GJA10: variants seen among roughly 807,000 people sequenced by gnomAD.
GJA10 encodes the protein gap junction protein alpha 10.
For synonymous variants in GJA10, 239 were observed against 233.0 expected, an observed-to-expected ratio of 1.03 and a Z score of -0.23; for missense variants, 685 against 651.9, an observed-to-expected ratio of 1.05 and a Z score of -0.55.
rs1286573597 is a variant in GJA10, at chr6:89,894,920, G to T, written c.452G>T (p.Gly151Val). 1 of 1,614,168 alleles carries T rather than the reference G, an allele frequency of 6.2e-7. No individual in the cohort carries two copies. Among genetic ancestry groups the T allele is most frequent in the East Asian group, 2.2e-5 (1 of 44,882 alleles). Residue 151 changes from glycine to valine, a missense_variant, in exon 1 of 1, where the codon GGA (glycine) becomes GTA (valine). Transcript: ENST00000369352. ...QKRIHKVPLK[G>V]CLLRTYVLHI... ...AGGATCCATAAAGTCCCTCTGAAAG[G>T]ATGTCTGCTGCGTACTTATGTCTTA... is the stretch of plus-strand genomic sequence containing the variant.
Position 89,895,695 on chromosome 6 carries a change from T to A in GJA10, c.1227T>A (p.Ser409Arg). ...ATCTTCATAGTCACTGCAGAGACAG[T>A]GAAGGCAGCATGAGAGAGAGTGGGG... ...LTDLHSHCRD[S>R]EGSMRESGVW... is the part of the protein sequence containing the mutation. The change falls in exon 1 of 1, where the codon AGT (serine) becomes AGA (arginine). Residue 409 changes from serine to arginine, a missense_variant. Physicochemically the swap from Ser to Arg is moderately radical, Grantham distance 110. Transcript: ENST00000369352. 1 of 1,614,212 alleles carries A rather than the reference T, an allele frequency of 6.2e-7. No homozygotes were observed. The highest frequency in any genetic ancestry group is 8.5e-7 in the Non-Finnish European group (1 of 1,180,026).
At position 89,895,649 on chromosome 6, in the gene GJA10, C is replaced by T. The variant is rs1203022991; in HGVS notation, c.1181C>T (p.Pro394Leu). Reference sequence around the variant, plus strand: ...TGGGAGCAGTCCCAGGACCCAGAACCCTCAGGTGAGCCTCTCACAGATCTT... The same window carrying T: ...TGGGAGCAGTCCCAGGACCCAGAACTCTCAGGTGAGCCTCTCACAGATCTT... The part of the protein sequence containing the change: ...GTWEQSQDPE[P>L]SGEPLTDLHS... Residue 394 changes from proline (P) to leucine (L), a missense_variant, in exon 1 of 1, where the codon CCC (proline) becomes CTC (leucine). Pro to Leu is a moderately conservative substitution (Grantham distance 98). Transcript: ENST00000369352. 2.5e-6 allele frequency: 4 copies of T among 1,614,204 alleles called. No homozygotes were observed. In the East Asian group the frequency reaches 6.7e-5, roughly 27 times the overall value.
At position 89,894,850 on chromosome 6, in the gene GJA10, C is replaced by T; in HGVS notation, c.382C>T (p.Gln128Ter). The T allele has an allele frequency of 6.2e-7, 1 of 1,614,132 alleles. No individual in the cohort carries two copies. The highest frequency in any genetic ancestry group is 8.5e-7 in the Non-Finnish European group (1 of 1,180,024). ...GAATCCAGATCTTGACTTGGAGGAG[C>T]AGCAAAGAATAGATAGGGAACTGAG... The change falls in exon 1 of 2, where the codon CAG becomes TAG. Residue 128 changes from glutamine to a stop codon, truncating the protein, a stop_gained. Transcript: ENST00000638915. LOFTEE classifies it high-confidence loss of function.
At position 89,895,902 on chromosome 6, in the gene GJA10, A is replaced by T. The variant is rs761012224; in HGVS notation, c.1434A>T (p.Thr478=). ...TGCCTTCAGTCACTGGGCACAGAACATCAATGGTAAGACAGGCAGCCCTAC... is the reference window on the plus strand; with the variant it reads ...TGCCTTCAGTCACTGGGCACAGAACTTCAATGGTAAGACAGGCAGCCCTAC... The part of the protein sequence containing the change: ...SPLPSVTGHR[T]SMVRQAALPI... The change falls in exon 1 of 1, where the codon ACA becomes ACT. Residue 478 remains threonine, a synonymous_variant. Transcript: ENST00000369352. The T allele has an allele frequency of 1.1e-5, 17 of 1,614,222 alleles. 1 individual carries two copies. The South Asian group carries it at 1.9e-4, about 18-fold the overall frequency.
chr6:89,895,432 TG>T lies in GJA10; in HGVS notation c.966del (p.Trp322CysfsTer48). On this transcript the variant is annotated frameshift_variant, in exon 1 of 2. Coordinates refer to the GJA10 transcript ENST00000638915. LOFTEE classifies it high-confidence loss of function. The stretch of plus-strand genomic sequence containing the variant: ...AGACCCTTCCAATGGGAAAAAGGAC[TG>T]GTCTGAGAAGGATCAGCATAGCGGA... The T allele has an allele frequency of 6.2e-7, 1 of 1,614,204 alleles. No individual in the cohort carries two copies.
At position 89,894,857 on chromosome 6, in the gene GJA10, G is replaced by T; in HGVS notation, c.389G>T (p.Arg130Ile). The T allele has an allele frequency of 6.2e-7, 1 of 1,614,194 alleles. No individual in the cohort carries two copies. Residue 130 changes from arginine to isoleucine, a missense_variant, in exon 1 of 1, where the codon AGA becomes ATA. Transcript: ENST00000369352. ...NPDLDLEEQQ[R>I]IDRELRRLEE... Reference sequence around the variant, plus strand: ...GATCTTGACTTGGAGGAGCAGCAAAGAATAGATAGGGAACTGAGGAGGTTA... The same window carrying T: ...GATCTTGACTTGGAGGAGCAGCAAATAATAGATAGGGAACTGAGGAGGTTA...
In GJA10 at chr6:89,894,549, C is replaced by T; in HGVS notation, c.81C>T (p.Thr27=). Residue 27 remains threonine, a synonymous_variant, in exon 1 of 1, where the codon ACC becomes ACT. Transcript: ENST00000369352. ...HSTIVGKIWL[T]ILFIFRMLVL... ...CCATAGTGGGGAAAATCTGGCTGACCATCCTCTTCATCTTCCGAATGCTGG... is the reference window on the plus strand; with the variant it reads ...CCATAGTGGGGAAAATCTGGCTGACTATCCTCTTCATCTTCCGAATGCTGG... The T allele has an allele frequency of 6.2e-7, 1 of 1,614,168 alleles. No homozygotes were observed.
In GJA10 at chr6:89,894,967, C is replaced by T. The variant is rs371750239; in HGVS notation, c.499C>T (p.Leu167=). The change falls in exon 1 of 1, where the codon CTG becomes TTG. Residue 167 remains leucine (L), a synonymous_variant. Transcript: ENST00000369352. ...YVLHILTRSV[L]EVGFMIGQYI... is the part of the protein sequence containing the mutation. ...CTTACACATCTTGACCAGATCTGTG[C>T]TGGAAGTAGGATTCATGATAGGCCA... is the stretch of plus-strand genomic sequence containing the variant. 3.5e-5 allele frequency: 56 copies of T among 1,614,114 alleles called. No homozygotes were observed. In the African/African-American group the frequency reaches 7.1e-4, roughly 20 times the overall value.
Position 89,895,962 on chromosome 6 carries a change from T to A in GJA10, c.1494T>A (p.Ser498=). The change falls in exon 1 of 1, where the codon TCT becomes TCA. Residue 498 remains serine, a synonymous_variant. Coordinates refer to ENST00000369352, the MANE Select transcript of GJA10 (RefSeq NM_032602.2). ...AACTATCACAAGAGCTGTTCCATTC[T>A]GGATGCTTTCTTTTTCCTTTCTTTC... ...IMELSQELFH[S]GCFLFPFFLP... is the part of the protein sequence containing the mutation. 1 of 1,614,250 alleles carries A rather than the reference T, an allele frequency of 6.2e-7. No individual in the cohort carries two copies. The highest frequency in any genetic ancestry group is 8.5e-7 in the Non-Finnish European group (1 of 1,180,046).
At position 89,895,021 on chromosome 6, in the gene GJA10, C is replaced by G; in HGVS notation, c.553C>G (p.Pro185Ala). The change falls in exon 1 of 1, where the codon CCC becomes GCC. Residue 185 changes from proline to alanine, a missense_variant. Coordinates refer to ENST00000369352, the MANE Select transcript of GJA10 (RefSeq NM_032602.2). The stretch of plus-strand genomic sequence containing the variant: ...TATTCTCTATGGGTTTCAAATGCAC[C>G]CCCTTTACAAATGCACTCAACCTCC... ...QYILYGFQMH[P>A]LYKCTQPPCP... 1 of 1,614,006 alleles carries G rather than the reference C, an allele frequency of 6.2e-7. No individual in the cohort carries two copies. Among genetic ancestry groups the G allele is most frequent in the Non-Finnish European group, 8.5e-7 (1 of 1,180,006 alleles).
Position 89,895,949 on chromosome 6 carries a change from A to G in GJA10, c.1481A>G (p.Glu494Gly). The part of the protein sequence containing the change: ...AALPIMELSQ[E>G]LFHSGCFLFP... ...CTACCGATCATGGAACTATCACAAGAGCTGTTCCATTCTGGATGCTTTCTT... is the reference window on the plus strand; with the variant it reads ...CTACCGATCATGGAACTATCACAAGGGCTGTTCCATTCTGGATGCTTTCTT... Residue 494 changes from glutamate to glycine, a missense_variant, in exon 1 of 1, where the codon GAG (glutamate) becomes GGG (glycine). Transcript: ENST00000369352. 5 of 1,613,936 alleles carry G rather than the reference A, an allele frequency of 3.1e-6. No homozygotes were observed. The highest frequency in any genetic ancestry group is 4.2e-6 in the Non-Finnish European group (5 of 1,179,998).
rs1345131553 is a variant in GJA10, at chr6:89,896,020, A to C, written c.1552A>C (p.Arg518=). ...PGVCMYVCVD[R]EADGGGDYLW... is the part of the protein sequence containing the mutation. ...GGTGTGTATGTATGTTTGTGTTGACAGAGAGGCAGATGGAGGGGGAGATTA... is the reference window on the plus strand; with the variant it reads ...GGTGTGTATGTATGTTTGTGTTGACCGAGAGGCAGATGGAGGGGGAGATTA... The change falls in exon 1 of 1, where the codon AGA becomes CGA. Residue 518 remains arginine (R), a synonymous_variant. Coordinates refer to ENST00000369352, the MANE Select transcript of GJA10 (RefSeq NM_032602.2). 5 of 1,612,236 alleles carry C rather than the reference A, an allele frequency of 3.1e-6. No homozygotes were observed. In the African/African-American group the frequency reaches 5.3e-5, roughly 17 times the overall value.
At position 89,895,479 on chromosome 6, in the gene GJA10, G is replaced by C. The variant is rs765830050; in HGVS notation, c.1011G>C (p.Pro337=). 1.2e-6 allele frequency: 2 copies of C among 1,614,070 alleles called. No homozygotes were observed. The highest frequency in any genetic ancestry group is 8.5e-7 in the Non-Finnish European group (1 of 1,180,044). The change falls in exon 1 of 1, where the codon CCG becomes CCC. Residue 337 remains proline (P), a synonymous_variant. Coordinates refer to ENST00000369352, the MANE Select transcript of GJA10 (RefSeq NM_032602.2). ...QHSGQLHVHS[P]CPWAGSAGNQ... is the part of the protein sequence containing the mutation. Reference sequence around the variant, plus strand: ...GCGGACAGCTCCATGTTCACAGCCCGTGTCCCTGGGCTGGCAGTGCTGGAA... The same window carrying C: ...GCGGACAGCTCCATGTTCACAGCCCCTGTCCCTGGGCTGGCAGTGCTGGAA...
chr6:89,895,170 C>A lies in GJA10; in HGVS notation c.702C>A (p.Gly234=), dbSNP rs766762528. ...ATATACTGGAAATATTTCATCTAGG[C>A]ATCAGAAAAATTATGAGGACACTTT... ...LLNILEIFHL[G]IRKIMRTLYK... is the part of the protein sequence containing the mutation. Residue 234 remains glycine (G), a synonymous_variant, in exon 1 of 1, where the codon GGC becomes GGA. Transcript: ENST00000369352. 6 of 1,614,042 alleles carry A rather than the reference C, an allele frequency of 3.7e-6. No individual in the cohort carries two copies. Among genetic ancestry groups the A allele is most frequent in the Admixed American group, 3.3e-5 (2 of 60,002 alleles).
chr6:89,895,819 G>A lies in GJA10; in HGVS notation c.1351G>A (p.Gly451Ser). 6.2e-7 allele frequency: 1 copy of A among 1,614,146 alleles called. No homozygotes were observed. The change falls in exon 1 of 1, where the codon GGT becomes AGT. Residue 451 changes from glycine (G) to serine (S), a missense_variant. Gly to Ser is a moderately conservative substitution (Grantham distance 56). Coordinates refer to ENST00000369352, the MANE Select transcript of GJA10 (RefSeq NM_032602.2). ...TCTGCACAGTGACTCAGGAAGCTCT[G>A]GTTCTCGGAATAGCTCCTGCTTGGA... is the stretch of plus-strand genomic sequence containing the variant. ...RHLHSDSGSS[G>S]SRNSSCLDFP...
rs1771730254 is a variant in GJA10 at position 89,895,227 on chromosome 6, T to C, written c.759T>C (p.Asp253=). Residue 253 remains aspartate, a synonymous_variant, in exon 1 of 1, where the codon GAT becomes GAC. Coordinates refer to ENST00000369352, the MANE Select transcript of GJA10 (RefSeq NM_032602.2). ...AATCCAGCAGTGAGGGCATTGAGGA[T>C]GAAACAGGCCCTCCATTCCATTTGA... The part of the protein sequence containing the change: ...YKKSSSEGIE[D]ETGPPFHLKK... The C allele has an allele frequency of 6.2e-7, 1 of 1,614,214 alleles. No homozygotes were observed. The highest frequency in any genetic ancestry group is 1.3e-5 in the African/African-American group (1 of 75,050).
chr6:89,894,638 G>T lies in GJA10; in HGVS notation c.170G>T (p.Arg57Leu). 6.2e-7 allele frequency: 1 copy of T among 1,614,190 alleles called. No individual in the cohort carries two copies. Among genetic ancestry groups the T allele is most frequent in the Non-Finnish European group, 8.5e-7 (1 of 1,180,030 alleles). The change falls in exon 1 of 1, where the codon CGG (arginine) becomes CTG (leucine). Residue 57 changes from arginine (R) to leucine (L), a missense_variant. Physicochemically the swap from Arg to Leu is moderately radical, Grantham distance 102. Transcript: ENST00000369352. ...DEQSAFACNT[R>L]QPGCNNICYD... is the part of the protein sequence containing the mutation. ...CAGTCAGCATTTGCCTGCAACACCC[G>T]GCAGCCAGGTTGCAACAATATCTGT...
In GJA10 at chr6:89,895,879, C is replaced by T; in HGVS notation, c.1411C>T (p.Pro471Ser). The T allele has an allele frequency of 6.2e-7, 1 of 1,614,182 alleles. No homozygotes were observed. The highest frequency in any genetic ancestry group is 1.6e-4 in the Middle Eastern group (1 of 6,062). The change falls in exon 1 of 1, where the codon CCT becomes TCT. Residue 471 changes from proline (P) to serine (S), a missense_variant. Coordinates refer to ENST00000369352, the MANE Select transcript of GJA10 (RefSeq NM_032602.2). Reference sequence around the variant, plus strand: ...CTGGGAAAACAGCCCCTCACCTCTGCCTTCAGTCACTGGGCACAGAACATC... The same window carrying T: ...CTGGGAAAACAGCCCCTCACCTCTGTCTTCAGTCACTGGGCACAGAACATC... The part of the protein sequence containing the change: ...PHWENSPSPL[P>S]SVTGHRTSMV...
chr6:89,895,736 C>T lies in GJA10; in HGVS notation c.1268C>T (p.Ser423Phe). The T allele has an allele frequency of 8.7e-6, 14 of 1,614,196 alleles. No homozygotes were observed. The highest frequency in any genetic ancestry group is 1.2e-5 in the Non-Finnish European group (14 of 1,180,044). Residue 423 changes from serine (S) to phenylalanine (F), a missense_variant, in exon 1 of 1, where the codon TCT (serine) becomes TTT (phenylalanine). By Grantham distance (155) the Ser-to-Phe change is radical. Coordinates refer to ENST00000369352, the MANE Select transcript of GJA10 (RefSeq NM_032602.2). ...MRESGVWIDRSRPGSRKASFL... is the reference protein window; with the variant it reads ...MRESGVWIDRFRPGSRKASFL... Reference sequence around the variant, plus strand: ...GAGAGTGGGGTCTGGATAGACAGATCTCGCCCAGGCAGTCGCAAGGCCAGC... The same window carrying T: ...GAGAGTGGGGTCTGGATAGACAGATTTCGCCCAGGCAGTCGCAAGGCCAGC...
Sources: allele counts gnomAD v4.1 joint callset, GRCh38; gene constraint gnomAD v4.1.1; transcripts MANE v1.5; gene names NCBI Gene and HGNC (gene_info 2026-07-23, HGNC 2026-07-21).